The following AKAP19 variants were observed in gnomAD, a reference collection of about 807,000 sequenced individuals.
The protein encoded by AKAP19 is small A-kinase anchoring protein.
the AKAP19 span, among the ~76,000 whole-genome samples, chr2:190,182,754 C>A: frequency 1.3e-5 from 2 of 152,186 alleles, no homozygotes; most frequent in African/African-American, 4.8e-5. Context: ...GTAGTAAATA[C>A]TCAGAAGTTG....
the AKAP19 span, chr2:190,199,960 T>A: frequency 1.2e-6 from 2 of 1,613,986 alleles, no homozygotes; most frequent in African/African-American, 1.3e-5. Flanking sequence ...AGAAGAGAGA[T>A]GTCTACCTAG....
the AKAP19 span, among the ~76,000 whole-genome samples, chr2:189,934,161 A>T: frequency 6.6e-6 from 1 of 152,246 alleles, no homozygotes; most frequent in African/African-American, 2.4e-5. Flanking sequence ...ATACAGAGTA[A>T]GAAAAATGTC....
At chr2:190,163,876 G>A in the AKAP19 span, 2 of 152,110 alleles carry the variant, frequency 1.3e-5, no homozygotes, top group Admixed American at 1.3e-4. Context: ...TGTTTGCATT[G>A]TATAAGTTTT....
chr2:190,132,071 TA>T, the AKAP19 span, among the ~76,000 whole-genome samples: 1 of 151,892 alleles, frequency 6.6e-6, no homozygotes, highest in Non-Finnish European at 1.5e-5. Flanking sequence ...TTAAAATAGC[TA>T]CCAAAAAAAT....
the AKAP19 span, among the ~76,000 whole-genome samples, chr2:189,989,313 G>A: frequency 6.6e-6 from 1 of 151,730 alleles, no homozygotes; most frequent in African/African-American, 2.4e-5. Context: ...TAGAGCAAAG[G>A]AAAAGCAGAA....
chr2:190,193,504 G>T, the AKAP19 span, among the ~76,000 whole-genome samples: 2 of 152,072 alleles, frequency 1.3e-5, no homozygotes, highest in African/African-American at 4.8e-5. Context: ...AATGGCCTTG[G>T]TAAGAGTTCT....
the AKAP19 span, among the ~76,000 whole-genome samples, chr2:190,025,572 G>A: frequency 1.3e-5 from 2 of 152,150 alleles, no homozygotes; most frequent in Admixed American, 6.5e-5. Context: ...AAAGCTCTTT[G>A]TAGTCTAAGC....
At chr2:190,186,999 C>T in the AKAP19 span, among the ~76,000 whole-genome samples, 1 of 151,994 alleles carries the variant, frequency 6.6e-6, no homozygotes, top group Non-Finnish European at 1.5e-5. This position sits in a 1 kb window ranked among gnomAD's most constrained non-coding sequence, Gnocchi z 5.5. Context: ...GCTACCATGC[C>T]CAGCTGATTT....
the AKAP19 span, among the ~76,000 whole-genome samples, chr2:190,024,890 T>C: frequency 2.0e-5 from 3 of 152,230 alleles, no homozygotes; most frequent in Admixed American, 2.0e-4. Context: ...AGCTGTCTAA[T>C]GCTAGTTGAT....
the AKAP19 span, among the ~76,000 whole-genome samples, chr2:189,904,439 A>G: frequency 1.3e-5 from 2 of 152,040 alleles, no homozygotes; most frequent in Non-Finnish European, 2.9e-5. Flanking sequence ...ACTTTGTCAT[A>G]CAGGCAAATT....
the AKAP19 span, among the ~76,000 whole-genome samples, chr2:189,995,747 AT>A: frequency 9.3e-5 from 14 of 150,938 alleles, no homozygotes; most frequent in Admixed American, 9.2e-4. Context: ...AGGAGGTTCT[AT>A]TTTGGTGTAT....
chr2:190,017,895 C>T, the AKAP19 span, among the ~76,000 whole-genome samples: 1 of 152,210 alleles, frequency 6.6e-6, no homozygotes, highest in African/African-American at 2.4e-5. Context: ...TTTGTCTCTT[C>T]CTCATTTATA....
chr2:190,085,074 C>T, the AKAP19 span, among the ~76,000 whole-genome samples: 4 of 152,150 alleles, frequency 2.6e-5, 1 homozygote, highest in African/African-American at 9.7e-5. Context: ...TGCCAGACCA[C>T]ATGGCATTAT....
At chr2:189,904,625 G>C in the AKAP19 span, among the ~76,000 whole-genome samples, 1 of 152,052 alleles carries the variant, frequency 6.6e-6, no homozygotes, top group Middle Eastern at 3.4e-3. Flanking sequence ...TAAGATATTT[G>C]AAAAGCAATT....
the AKAP19 span, among the ~76,000 whole-genome samples, chr2:190,071,638 T>C: frequency 6.6e-6 from 1 of 152,182 alleles, no homozygotes; most frequent in Non-Finnish European, 1.5e-5. Flanking sequence ...ATATTAAATA[T>C]GAAAATGTGT....
chr2:189,998,524 A>G, the AKAP19 span, among the ~76,000 whole-genome samples: 52 of 152,320 alleles, frequency 3.4e-4, no homozygotes, highest in East Asian at 8.3e-3. Context: ...CCCATTTCAT[A>G]AAAGTTGTCT....
chr2:190,115,021 G>A, the AKAP19 span, among the ~76,000 whole-genome samples: 1 of 150,314 alleles, frequency 6.7e-6, no homozygotes. Flanking sequence ...TTCACCTTAG[G>A]ATCATCTTTA....
At chr2:190,075,555 G>A in the AKAP19 span, among the ~76,000 whole-genome samples, 1 of 152,028 alleles carries the variant, frequency 6.6e-6, no homozygotes, top group Non-Finnish European at 1.5e-5. Flanking sequence ...TTTTCATGAT[G>A]AATTAAATCA....
At chr2:190,038,958 C>A in the AKAP19 span, among the ~76,000 whole-genome samples, 14 of 144,528 alleles carry the variant, frequency 9.7e-5, no homozygotes, top group African/African-American at 3.7e-4. Context: ...TCTTCTTCTT[C>A]TTCTTCTTCT....
Sources: gnomAD v4.1 joint callset for allele counts (sites outside exome capture counted in the v4.1 genomes callset) on GRCh38, gnomAD v4.1.1 for gene constraint, Gnocchi (gnomAD v3.1) non-coding constraint, MANE v1.5 for transcripts, NCBI Gene and HGNC (gene_info 2026-07-23, HGNC 2026-07-21) for gene names.